DLGAP2: variants seen among roughly 807,000 people sequenced by gnomAD.
DLGAP2 encodes the protein disks large-associated protein 2.
DLGAP2 carries 26 observed loss-of-function variants against 100.3 expected under a neutral mutation model. That is an observed-to-expected ratio of 0.26 (90% CI 0.19 to 0.36). DLGAP2 has a LOEUF of 0.36. DLGAP2 is among the 10% of genes least tolerant of loss of function. The probability of loss-of-function intolerance (pLI) is 1.00; values close to 1 mark genes in which losing one functional copy is unlikely to be tolerated. For synonymous variants in DLGAP2, 886 were observed against 630.1 expected, an observed-to-expected ratio of 1.41 and a Z score of -6.08; for missense variants, 1,858 against 1,453.2, an observed-to-expected ratio of 1.28 and a Z score of -4.53.
intron 12 of DLGAP2, among the ~76,000 whole-genome samples, chr8:1,683,954 G>A (rs28522025): frequency 0.01 from 748 of 74,648 alleles, 27 homozygotes; most frequent in African/African-American, 0.041. Context: ...ATATATGTGT[G>A]TATATATATA....
intron 2 of DLGAP2, chr8:926,939 C>A: frequency 1.2e-6 from 1 of 828,466 alleles, no homozygotes; most frequent in African/African-American, 1.8e-5. Flanking sequence ...GATTAAATGC[C>A]TCTGCGCTGT....
intron 3 of DLGAP2, among the ~76,000 whole-genome samples, chr8:1,368,479 C>G (rs1802162321): frequency 6.6e-6 from 1 of 151,974 alleles, no homozygotes; most frequent in African/African-American, 2.4e-5. Context: ...ATGCTGTGCT[C>G]TGAAAAATGT....
chr8:933,534 G>A (rs187911120), intron 2 of DLGAP2, among the ~76,000 whole-genome samples: 21 of 127,920 alleles, frequency 1.6e-4, no homozygotes, highest in Admixed American at 1.3e-3. Context: ...ACACCTGGCC[G>A]TGGGCATGAG....
chr8:1,349,701 C>T (rs1049756349), intron 3 of DLGAP2, among the ~76,000 whole-genome samples: 6 of 147,066 alleles, frequency 4.1e-5, no homozygotes, highest in Non-Finnish European at 6.0e-5. Context: ...CCCACATCCA[C>T]GCATGTCATG....
At chr8:744,663 C>G (rs988645656) in intron 1 of DLGAP2, among the ~76,000 whole-genome samples, 5 of 147,186 alleles carry the variant, frequency 3.4e-5, no homozygotes, top group African/African-American at 7.6e-5. Flanking sequence ...CCCACGGTCA[C>G]TCCCTGCCTC....
intron 2 of DLGAP2, among the ~76,000 whole-genome samples, chr8:995,374 T>A (rs1199877774): frequency 6.6e-6 from 1 of 152,238 alleles, no homozygotes; most frequent in Non-Finnish European, 1.5e-5. Flanking sequence ...AATATTATAG[T>A]AACTTTGTAA....
At chr8:1,293,145 C>A (rs981413379) in intron 3 of DLGAP2, among the ~76,000 whole-genome samples, 4 of 152,190 alleles carry the variant, frequency 2.6e-5, no homozygotes, top group Non-Finnish European at 5.9e-5. Context: ...GAAAATCCCT[C>A]CCTGTCTCCC....
chr8:1,003,149 C>T (rs954966789), intron 2 of DLGAP2: 1 of 152,288 alleles, frequency 6.6e-6, no homozygotes, highest in Non-Finnish European at 1.5e-5. Flanking sequence ...GCCCTGGCTG[C>T]TCCTTCAGGA....
intron 2 of DLGAP2, among the ~76,000 whole-genome samples, chr8:1,059,014 C>T (rs1032707852): frequency 9.2e-5 from 14 of 152,308 alleles, no homozygotes; most frequent in African/African-American, 1.9e-4. Flanking sequence ...GCCATAGCAG[C>T]GTCTGCTTCT....
chr8:1,546,073 G>C (rs551191539), intron 4 of DLGAP2, among the ~76,000 whole-genome samples: 2 of 152,274 alleles, frequency 1.3e-5, no homozygotes, highest in Admixed American at 6.5e-5. Flanking sequence ...TTGAAAATTT[G>C]CTTTTAATTA....
At position 768,418 on chromosome 8, in the gene DLGAP2, A is replaced by ATTT. The variant is rs58234397; in HGVS notation, c.18+30614_18+30616dup. Among the ~76,000 whole-genome samples, 156 of 99,950 alleles carry ATTT rather than the reference A, an allele frequency of 1.6e-3. 6 individuals carry two copies. The highest frequency in any genetic ancestry group is 4.5e-3 in the African/African-American group (112 of 25,158). 65.6% of individuals were successfully genotyped at this position (99,950 alleles called of 152,430 possible). ...GCATGAACCAGGAGGGAAGGCGTTG[A>ATTT]TTTTTTTTTTTTTTTTTTTTTTTCT... On this transcript the variant is annotated intron_variant, in intron 1 of 14. Coordinates refer to ENST00000637795, the MANE Select transcript of DLGAP2 (RefSeq NM_001346810.2).
chr8:1,430,013 T>TATATATATATATATAC lies in DLGAP2; in HGVS notation c.107-71351_107-71336dup, dbSNP rs1797374366. ...GGAGAGATGCATATATATACATATATATATATATATATATACACACACACA... is the reference window on the plus strand; with the variant it reads ...GGAGAGATGCATATATATACATATATATATATATATATATACATATATATATATATACACACACACA... On this transcript the variant is annotated intron_variant, in intron 3 of 14. Transcript: ENST00000637795. Among the ~76,000 whole-genome samples, 7 of 76,066 alleles carry TATATATATATATATAC rather than the reference T, an allele frequency of 9.2e-5. 1 individual carries two copies. The highest frequency in any genetic ancestry group is 3.4e-4 in the African/African-American group (7 of 20,362). The allele number at this position is 76,066 out of a possible 152,430, so 49.9% of individuals were successfully genotyped here.
intron 3 of DLGAP2, among the ~76,000 whole-genome samples, chr8:1,465,426 T>A: frequency 6.7e-6 from 1 of 149,736 alleles, no homozygotes; most frequent in African/African-American, 2.5e-5. Context: ...GATGAAGAGA[T>A]GAGCAGAGGG....
chr8:1,609,881 C>G (rs1360091884), intron 6 of DLGAP2, among the ~76,000 whole-genome samples: 1 of 149,646 alleles, frequency 6.7e-6, no homozygotes, highest in Non-Finnish European at 1.5e-5. Context: ...CACCCAGATT[C>G]ATAAAGCAAG....
chr8:1,534,515 G>C (rs1411854395), intron 4 of DLGAP2, among the ~76,000 whole-genome samples: 1 of 152,244 alleles, frequency 6.6e-6, no homozygotes, highest in Non-Finnish European at 1.5e-5. Flanking sequence ...AATTCTGAAA[G>C]AGTTGAAGAG....
intron 3 of DLGAP2, among the ~76,000 whole-genome samples, chr8:1,363,352 C>T (rs1165435471): frequency 6.6e-6 from 1 of 152,126 alleles, no homozygotes; most frequent in African/African-American, 2.4e-5. Flanking sequence ...TCTCCTGCCT[C>T]TGCCTCGCCG....
chr8:1,440,702 G>T (rs948985721), intron 3 of DLGAP2, among the ~76,000 whole-genome samples: 1 of 152,200 alleles, frequency 6.6e-6, no homozygotes, highest in African/African-American at 2.4e-5. Flanking sequence ...GTCCTGAAGG[G>T]CCCTTGGTGT....
At chr8:1,593,498 A>G (rs1796352866) in intron 6 of DLGAP2, among the ~76,000 whole-genome samples, 1 of 152,080 alleles carries the variant, frequency 6.6e-6, no homozygotes, top group African/African-American at 2.4e-5. Context: ...AAATAAATAA[A>G]TGACACTAAT....
chr8:1,330,220 C>T (rs941327634), intron 3 of DLGAP2, among the ~76,000 whole-genome samples: 3 of 150,736 alleles, frequency 2.0e-5, no homozygotes, highest in African/African-American at 7.4e-5. Context: ...AGCACTACTT[C>T]ACAGGGACTG....
Sources: allele counts gnomAD v4.1 joint callset (sites outside exome capture counted in the v4.1 genomes callset), GRCh38; gene constraint gnomAD v4.1.1; transcripts MANE v1.5; gene names NCBI Gene and HGNC (gene_info 2026-07-23, HGNC 2026-07-21).